The following DFFB variants were observed in gnomAD, a reference collection of about 807,000 sequenced individuals.
The protein encoded by DFFB is DNA fragmentation factor 40 kDa subunit.
Under a neutral mutation model 32.7 loss-of-function variants are expected in DFFB, and 29 were observed. The ratio of observed to expected loss-of-function variants is 0.89; its 90% CI spans 0.66 to 1.21. DFFB has a LOEUF of 1.21. Ranked by LOEUF, DFFB falls within the 50% of genes most tolerant of loss-of-function variation. DFFB has a pLI of 0.00. For missense variants in DFFB, 398 were observed against 440.6 expected (o/e 0.90, Z 0.87); for synonymous variants, 170 against 177.1 (o/e 0.96, Z 0.32).
At chr1:3,883,097 G>C (rs914195871) in intron 6 of DFFB, among the ~76,000 whole-genome samples, 1 of 151,560 alleles carries the variant, frequency 6.6e-6, no homozygotes, top group Non-Finnish European at 1.5e-5. Context: ...TCCACCTCCA[G>C]GGTTCAAGTG....
chr1:3,863,513 T>C (rs776945600), intron 2 of DFFB, among the ~76,000 whole-genome samples: 3 of 152,182 alleles, frequency 2.0e-5, no homozygotes, highest in East Asian at 1.9e-4. Context: ...CTCCTAGGTA[T>C]GTACCCAAGA....
At chr1:3,872,961 C>T in intron 6 of DFFB, 1 of 1,242,236 alleles carries the variant, frequency 8.1e-7, no homozygotes, top group Non-Finnish European at 1.0e-6. Context: ...ACAGCGGGAG[C>T]TCCTGGTGTT....
intron 5 of DFFB, among the ~76,000 whole-genome samples, chr1:3,870,500 C>T (rs1329941382): frequency 6.6e-6 from 1 of 152,208 alleles, no homozygotes; most frequent in Non-Finnish European, 1.5e-5. Flanking sequence ...TCCAAGTTAG[C>T]TTAACATTTA....
intron 6 of DFFB, among the ~76,000 whole-genome samples, chr1:3,881,860 ACT>A (rs1645345292): frequency 7.9e-6 from 1 of 127,224 alleles, no homozygotes; most frequent in Admixed American, 7.7e-5. Context: ...ACAGAGCAAG[ACT>A]CTGTTTCAAA....
At chr1:3,872,094 T>C (rs1470289962) in intron 5 of DFFB, among the ~76,000 whole-genome samples, 2 of 152,200 alleles carry the variant, frequency 1.3e-5, no homozygotes, top group African/African-American at 2.4e-5. Context: ...GTCCAAAGCA[T>C]GTCACTCGGT....
chr1:3,883,402 C>T, intron 6 of DFFB, 105 bp from the exon 7 acceptor site: 2 of 1,064,918 alleles, frequency 1.9e-6, no homozygotes, highest in Non-Finnish European at 2.8e-6. Context: ...TCCGTGATAG[C>T]ACTTAGGGGA....
chr1:3,881,608 G>A (rs1465988185), intron 6 of DFFB, among the ~76,000 whole-genome samples: 2 of 152,000 alleles, frequency 1.3e-5, no homozygotes, highest in Non-Finnish European at 2.9e-5. Flanking sequence ...TGGGTGTGGT[G>A]GCTCATGCCT....
rs1557732587 is a variant in DFFB, at chr1:3,883,409, G to A, written c.783-98G>A. The A allele has an allele frequency of 7.0e-6, 8 of 1,149,678 alleles. No individual in the cohort carries two copies. The East Asian group carries it at 1.2e-4, about 18-fold the overall frequency. 71.2% of individuals were successfully genotyped at this position (1,149,678 alleles called of 1,614,324 possible). On this transcript the variant is annotated intron_variant, in intron 6 of 6. Coordinates refer to ENST00000378209, the MANE Select transcript of DFFB (RefSeq NM_004402.4). ...GCCGTGTGTCCGTGATAGCACTTAG[G>A]GGAATTTGTGAAGAGCTGTGACTGC...
chr1:3,876,946 G>A (rs549790436), intron 6 of DFFB, among the ~76,000 whole-genome samples: 3 of 152,354 alleles, frequency 2.0e-5, no homozygotes, highest in Non-Finnish European at 2.9e-5. Context: ...CACGAGGAGC[G>A]TCCGTGTGGG....
chr1:3,873,553 C>T (rs1289541259), intron 6 of DFFB, among the ~76,000 whole-genome samples: 1 of 151,060 alleles, frequency 6.6e-6, no homozygotes, highest in Non-Finnish European at 1.5e-5. Flanking sequence ...GATCTCGGCT[C>T]ACCGCAACCT....
intron 6 of DFFB, among the ~76,000 whole-genome samples, chr1:3,876,818 A>G (rs1645231705): frequency 6.6e-6 from 1 of 152,222 alleles, no homozygotes; most frequent in Non-Finnish European, 1.5e-5. Context: ...GAGAGCGTCC[A>G]GGCTTGGAAC....
chr1:3,864,969 G>T (rs960804303), intron 2 of DFFB, among the ~76,000 whole-genome samples: 41 of 152,104 alleles, frequency 2.7e-4, no homozygotes, highest in Middle Eastern at 3.4e-3. Flanking sequence ...GTTGAGTTTT[G>T]AAAGTCACGC....
rs1170568254 is a variant in DFFB at position 3,857,702 on chromosome 1, C to A, written c.99C>A (p.Gly33=). 6.5e-7 allele frequency: 1 copy of A among 1,549,040 alleles called. No homozygotes were observed. The highest frequency in any genetic ancestry group is 8.7e-7 in the Non-Finnish European group (1 of 1,147,184). Residue 33 remains glycine (G), a synonymous_variant, in exon 1 of 7, where the codon GGC becomes GGA. Transcript: ENST00000378209. ...GRSCQEVLRK[G]CLRFQLPERG... ...GCTGCCAGGAGGTGCTGCGCAAGGG[C>A]TGTCTCCGCTTCCAGGTGCCCGCTG...
At chr1:3,879,967 G>T (rs1645303177) in intron 6 of DFFB, among the ~76,000 whole-genome samples, 1 of 152,194 alleles carries the variant, frequency 6.6e-6, no homozygotes. Context: ...TTGCCCACAG[G>T]TCTGGCATTC....
chr1:3,864,668 G>C (rs928039851), intron 2 of DFFB, among the ~76,000 whole-genome samples: 7 of 152,076 alleles, frequency 4.6e-5, no homozygotes, highest in African/African-American at 1.7e-4. Flanking sequence ...TGGGACTACA[G>C]GTGTGCACCC....
intron 1 of DFFB, 40 bp downstream of exon 1, chr1:3,857,757 C>A (rs754804498): frequency 7.4e-7 from 1 of 1,350,680 alleles, no homozygotes; most frequent in African/African-American, 1.5e-5. Context: ...GTCGGGGAGG[C>A]GTGTGGGGAG....
Position 3,869,781 on chromosome 1 carries a change from C to T in DFFB, c.681+6C>T, listed in dbSNP as rs1410963992. ...AAGGCTGGTTCTCCTGCCAGGTGAGCTGTGTGCCCTTTATCCTGGGGCCAC... is the reference window on the plus strand; with the variant it reads ...AAGGCTGGTTCTCCTGCCAGGTGAGTTGTGTGCCCTTTATCCTGGGGCCAC... On this transcript the variant is annotated splice_donor_region_variant and intron_variant, in intron 5 of 6. Coordinates refer to ENST00000378209, the MANE Select transcript of DFFB (RefSeq NM_004402.4). 1 of 1,593,450 alleles carries T rather than the reference C, an allele frequency of 6.3e-7. No homozygotes were observed. The highest frequency in any genetic ancestry group is 1.1e-5 in the South Asian group (1 of 89,778).
At chr1:3,882,595 C>T (rs1645362420) in intron 6 of DFFB, among the ~76,000 whole-genome samples, 1 of 152,138 alleles carries the variant, frequency 6.6e-6, no homozygotes, top group African/African-American at 2.4e-5. Flanking sequence ...GAACTCCTGA[C>T]CTCAGGTGAT....
At position 3,865,572 on chromosome 1, in the gene DFFB, C is replaced by T. The variant is rs968901440; in HGVS notation, c.242-240C>T. ...AAGCGGCCGTCTCTTGGTGCGCTTT[C>T]ATCTGTCCTCTAAAGCACACCCTGC... On this transcript the variant is annotated intron_variant, in intron 2 of 6. Coordinates refer to ENST00000378209, the MANE Select transcript of DFFB (RefSeq NM_004402.4). The surrounding 1 kb of genome is among the most constrained non-coding windows in gnomAD (Gnocchi z 4.7). 2 of 637,748 alleles carry T rather than the reference C, an allele frequency of 3.1e-6. No individual in the cohort carries two copies. Among genetic ancestry groups the T allele is most frequent in the Non-Finnish European group, 5.7e-6 (2 of 353,854 alleles). 39.5% of individuals were successfully genotyped at this position (637,748 alleles called of 1,614,324 possible).
Sources: allele counts gnomAD v4.1 joint callset (sites outside exome capture counted in the v4.1 genomes callset), GRCh38; gene constraint gnomAD v4.1.1; non-coding constraint Gnocchi (gnomAD v3.1); transcripts MANE v1.5; gene names NCBI Gene and HGNC (gene_info 2026-07-23, HGNC 2026-07-21).